The following GRIK2 variants were observed in gnomAD, a reference collection of about 807,000 sequenced individuals.
GRIK2 encodes glutamate ionotropic receptor kainate type subunit 2.
In GRIK2, 32 loss-of-function variants were observed where a neutral mutation model predicts 100.3. The observed-to-expected ratio is 0.32, with a 90% confidence interval of 0.24 to 0.43. GRIK2 has a LOEUF of 0.43. Ranked by LOEUF, GRIK2 falls within the 20% of genes least tolerant of loss-of-function variation. The pLI is 1.00. For missense variants in GRIK2, 843 were observed against 1,114.9 expected, an observed-to-expected ratio of 0.76 and a Z score of 3.47; for synonymous variants, 417 against 389.4, an observed-to-expected ratio of 1.07 and a Z score of -0.83.
At chr6:101,491,261 T>A (rs544556305) in intron 2 of GRIK2, among the ~76,000 whole-genome samples, 38 of 115,026 alleles carry the variant, frequency 3.3e-4, no homozygotes, top group Non-Finnish European at 5.9e-4. Context: ...GTTTCTGGAT[T>A]AGGAGAAAAA....
intron 14 of GRIK2, among the ~76,000 whole-genome samples, chr6:101,957,406 A>G (rs1023590905): frequency 6.6e-6 from 1 of 151,742 alleles, no homozygotes; most frequent in African/African-American, 2.4e-5. Context: ...TGTCACACAC[A>G]TAGTTTTCAA....
intron 7 of GRIK2, among the ~76,000 whole-genome samples, chr6:101,789,966 C>T (rs576462097): frequency 4.6e-5 from 7 of 152,124 alleles, no homozygotes; most frequent in African/African-American, 1.7e-4. Context: ...CTCTTTGAAG[C>T]AATTGTGAAT....
intron 14 of GRIK2, among the ~76,000 whole-genome samples, chr6:101,978,778 A>T (rs1240374133): frequency 6.6e-6 from 1 of 152,026 alleles, no homozygotes; most frequent in Non-Finnish European, 1.5e-5. Context: ...TTATTTGCTA[A>T]TGATCAGTTT....
chr6:101,854,807 G>C (rs1052353846), intron 10 of GRIK2, among the ~76,000 whole-genome samples: 14 of 152,088 alleles, frequency 9.2e-5, no homozygotes, highest in African/African-American at 3.1e-4. Context: ...AGGCATGGAA[G>C]ATATTATAAT....
At chr6:101,771,430 C>T (rs546995257) in intron 7 of GRIK2, among the ~76,000 whole-genome samples, 186 of 151,898 alleles carry the variant, frequency 1.2e-3, no homozygotes, top group Non-Finnish European at 2.1e-3. Context: ...AGAAATAAAG[C>T]GGTTATGGAA....
chr6:101,789,301 C>A (rs1196729381), intron 7 of GRIK2, among the ~76,000 whole-genome samples: 2 of 152,076 alleles, frequency 1.3e-5, no homozygotes, highest in Non-Finnish European at 2.9e-5. Context: ...TCCTGAATGG[C>A]AATGCCTAGA....
intron 7 of GRIK2, among the ~76,000 whole-genome samples, chr6:101,740,653 T>G (rs1775963926): frequency 6.6e-6 from 1 of 152,234 alleles, no homozygotes; most frequent in African/African-American, 2.4e-5. Flanking sequence ...GAGGCTTCTT[T>G]GGTTCACAGT....
chr6:101,525,561 T>C (rs1442883967), intron 2 of GRIK2, among the ~76,000 whole-genome samples: 2 of 152,332 alleles, frequency 1.3e-5, no homozygotes, highest in Non-Finnish European at 2.9e-5. Context: ...ATTCTCTCCT[T>C]ATTTTCAAAC....
At chr6:101,773,318 A>C (rs1229784453) in intron 7 of GRIK2, among the ~76,000 whole-genome samples, 1 of 152,020 alleles carries the variant, frequency 6.6e-6, no homozygotes, top group Non-Finnish European at 1.5e-5. Context: ...ATCTCTACTA[A>C]AAACACAAAA....
At chr6:101,898,041 T>C (rs973901625) in intron 12 of GRIK2, among the ~76,000 whole-genome samples, 2 of 151,778 alleles carry the variant, frequency 1.3e-5, no homozygotes, top group Non-Finnish European at 2.9e-5. Flanking sequence ...ATGTCAACAG[T>C]AGCCAGATTA....
At chr6:101,883,497 G>A (rs1398117235) in intron 11 of GRIK2, among the ~76,000 whole-genome samples, 1 of 151,950 alleles carries the variant, frequency 6.6e-6, no homozygotes, top group Non-Finnish European at 1.5e-5. Context: ...CATTCTAATA[G>A]AAAAAGACTG....
At chr6:102,046,266 A>G (rs558604211) in intron 15 of GRIK2, among the ~76,000 whole-genome samples, 8 of 152,236 alleles carry the variant, frequency 5.3e-5, no homozygotes, top group African/African-American at 1.7e-4. Flanking sequence ...TAATAGGTAA[A>G]TCAACCAGAC....
At chr6:101,647,581 A>G (rs908534639) in intron 4 of GRIK2, among the ~76,000 whole-genome samples, 5 of 152,008 alleles carry the variant, frequency 3.3e-5, no homozygotes, top group Non-Finnish European at 4.4e-5. Context: ...TAGTGTCTCC[A>G]GTTTTAGAAA....
intron 2 of GRIK2, among the ~76,000 whole-genome samples, chr6:101,422,869 ACT>A (rs1182790412): frequency 1.3e-5 from 2 of 152,044 alleles, no homozygotes; most frequent in Non-Finnish European, 2.9e-5. Context: ...ATCACTTAGA[ACT>A]CTGTGTGGAG....
intron 9 of GRIK2, among the ~76,000 whole-genome samples, chr6:101,810,055 T>C (rs897035529): frequency 6.6e-6 from 1 of 150,420 alleles, no homozygotes; most frequent in Non-Finnish European, 1.5e-5. Flanking sequence ...TTTTTTCTTT[T>C]AACCACTAAA....
chr6:101,712,905 C>T (rs544674798), intron 7 of GRIK2, among the ~76,000 whole-genome samples: 125 of 151,912 alleles, frequency 8.2e-4, no homozygotes, highest in African/African-American at 2.8e-3. Context: ...ATTTTACATG[C>T]TTCCTCATAA....
At chr6:101,997,360 T>C (rs1416633041) in intron 14 of GRIK2, among the ~76,000 whole-genome samples, 1 of 152,134 alleles carries the variant, frequency 6.6e-6, no homozygotes, top group Admixed American at 6.6e-5. Flanking sequence ...TTAGTGTATG[T>C]CCTTTATCAT....
chr6:101,544,303 T>C (rs1776135714), intron 2 of GRIK2, among the ~76,000 whole-genome samples: 1 of 152,214 alleles, frequency 6.6e-6, no homozygotes. Context: ...ATAGATCATC[T>C]GTATAAGATA....
intron 1 of GRIK2, among the ~76,000 whole-genome samples, chr6:101,397,807 G>A (rs953851274): frequency 2.6e-5 from 4 of 152,032 alleles, no homozygotes; most frequent in East Asian, 1.9e-4. Context: ...ATGAAAAATA[G>A]ATTAATGATA....
Sources: gnomAD v4.1 joint callset for allele counts (sites outside exome capture counted in the v4.1 genomes callset) on GRCh38, gnomAD v4.1.1 for gene constraint, MANE v1.5 for transcripts, NCBI Gene and HGNC (gene_info 2026-07-23, HGNC 2026-07-21) for gene names.